The following SYT16 variants were observed in gnomAD, a reference collection of about 807,000 sequenced individuals.
The protein encoded by SYT16 is synaptotagmin 16.
A neutral mutation model predicts 61.4 loss-of-function variants in SYT16; 42 were observed. The ratio of observed to expected loss-of-function variants is 0.68; its 90% CI spans 0.53 to 0.89. SYT16 has a LOEUF of 0.89. Among genes scored for constraint, SYT16 ranks in the 40% least tolerant of loss-of-function variants. The pLI is 0.00. For synonymous variants in SYT16, 314 were observed against 302.3 expected (o/e 1.04, Z -0.40); for missense variants, 804 against 807.3 (o/e 1.00, Z 0.05).
chr14:62,002,950 G>A (rs1056191017), intron 3 of SYT16, among the ~76,000 whole-genome samples: 2 of 152,042 alleles, frequency 1.3e-5, no homozygotes, highest in African/African-American at 4.8e-5. Context: ...AGTAAAGGGG[G>A]AAGTCCCTTG....
Position 62,069,764 on chromosome 14 carries a change from C to T in SYT16, c.685C>T (p.Arg229Cys), listed in dbSNP as rs749800932. Reference sequence around the variant, plus strand: ...ATTGGAGCAGAAACCAAAATTCAGCCGTTCGTTGTTGACACACGGAGAAGA... The same window carrying T: ...ATTGGAGCAGAAACCAAAATTCAGCTGTTCGTTGTTGACACACGGAGAAGA... ...TGLEQKPKFSRSLLTHGEDGT... is the reference protein window; with the variant it reads ...TGLEQKPKFSCSLLTHGEDGT... The change falls in exon 4 of 8, where the codon CGT (arginine) becomes TGT (cysteine). Residue 229 changes from arginine to cysteine, a missense_variant. Physicochemically the swap from Arg to Cys is radical, Grantham distance 180. Transcript: ENST00000683842. The T allele has an allele frequency of 1.7e-5, 28 of 1,613,884 alleles. No individual in the cohort carries two copies. In the South Asian group the frequency reaches 2.0e-4, roughly 11 times the overall value.
At chr14:62,042,524 C>T (rs1406763952) in intron 3 of SYT16, among the ~76,000 whole-genome samples, 4 of 152,134 alleles carry the variant, frequency 2.6e-5, no homozygotes, top group Non-Finnish European at 2.9e-5. Flanking sequence ...GAAGAGTTTA[C>T]CCTGTGCACT....
At chr14:61,888,856 G>A (rs2048017961) in intron 1 of SYT16, among the ~76,000 whole-genome samples, 1 of 151,134 alleles carries the variant, frequency 6.6e-6, no homozygotes, top group African/African-American at 2.4e-5. Flanking sequence ...TTCTAAAAAG[G>A]TACAATGATG....
rs61593538 is a variant in SYT16 at position 61,957,534 on chromosome 14, A to T, written c.-324-12598A>T. Among the ~76,000 whole-genome samples, 893 of 152,052 alleles carry T rather than the reference A, an allele frequency of 5.9e-3. 13 individuals are homozygous for T. Among genetic ancestry groups the T allele is most frequent in the African/African-American group, 0.021 (860 of 41,544 alleles). On this transcript the variant is annotated intron_variant, in intron 1 of 7. Coordinates refer to ENST00000683842, the MANE Select transcript of SYT16 (RefSeq NM_001367656.1). Reference sequence around the variant, plus strand: ...ACGAGACAATGTTGAATTTTGTCAGATGCTTTTTCTGCATCTATTGAGATG... The same window carrying T: ...ACGAGACAATGTTGAATTTTGTCAGTTGCTTTTTCTGCATCTATTGAGATG...
At chr14:61,974,792 GA>G (rs1264716325) in intron 2 of SYT16, among the ~76,000 whole-genome samples, 1 of 152,226 alleles carries the variant, frequency 6.6e-6, no homozygotes, top group Non-Finnish European at 1.5e-5. Flanking sequence ...AGTAAGTAAG[GA>G]AACAGGTTTT....
chr14:61,865,074 G>C, intron 1 of SYT16: 1 of 1,379,970 alleles, frequency 7.2e-7, no homozygotes. Context: ...TGTGCAGCTT[G>C]CGGGAAATGG....
chr14:61,899,143 G>T (rs2048425280), intron 1 of SYT16, among the ~76,000 whole-genome samples: 1 of 152,122 alleles, frequency 6.6e-6, no homozygotes, highest in South Asian at 2.1e-4. Context: ...TGTGAGGCAG[G>T]TATTACTAAT....
intron 1 of SYT16, among the ~76,000 whole-genome samples, chr14:61,945,639 A>G (rs1260715324): frequency 1.3e-5 from 2 of 151,952 alleles, no homozygotes; most frequent in African/African-American, 2.4e-5. Context: ...GCGGATCACG[A>G]GGTCAGGAGA....
intron 1 of SYT16, among the ~76,000 whole-genome samples, chr14:61,893,219 A>C (rs2048203318): frequency 6.6e-6 from 1 of 152,224 alleles, no homozygotes; most frequent in African/African-American, 2.4e-5. Flanking sequence ...CAGCATTGTT[A>C]TGGCCATAGC....
In SYT16 at chr14:61,995,937, C is replaced by T. The variant is rs1364125497; in HGVS notation, c.-83C>T. On this transcript the variant is annotated 5_prime_UTR_variant, in exon 3 of 8. Transcript: ENST00000683842. ...AGAGACCTCCAAATTAATTTCTCAA[C>T]ATGCTTATTCTATAGTTCACATTCA... 1.5e-6 allele frequency: 2 copies of T among 1,369,660 alleles called. No individual in the cohort carries two copies. Among genetic ancestry groups the T allele is most frequent in the Non-Finnish European group, 2.0e-6 (2 of 1,015,890 alleles). The allele number at this position is 1,369,660 out of a possible 1,614,324, so 84.8% of individuals were successfully genotyped here. A position where few individuals can be genotyped will look rare whatever the true frequency, so the allele number is the denominator to read the frequency against.
chr14:62,029,051 G>A (rs900512267), intron 3 of SYT16, among the ~76,000 whole-genome samples: 3 of 152,212 alleles, frequency 2.0e-5, no homozygotes, highest in African/African-American at 7.2e-5. Flanking sequence ...AGAGTAGCAA[G>A]CTTTGCATAA....
intron 3 of SYT16, among the ~76,000 whole-genome samples, chr14:62,032,092 G>A (rs535409389): frequency 1.3e-5 from 2 of 152,028 alleles, no homozygotes; most frequent in Non-Finnish European, 2.9e-5. Context: ...CTTGGATGAC[G>A]AAAACGGGAA....
chr14:62,079,635 T>A (rs1236463685), intron 5 of SYT16, among the ~76,000 whole-genome samples: 1 of 152,188 alleles, frequency 6.6e-6, no homozygotes, highest in Non-Finnish European at 1.5e-5. Context: ...TGAAACGAGA[T>A]CTCTAAATTA....
intron 2 of SYT16, among the ~76,000 whole-genome samples, chr14:61,992,332 G>A (rs2052585406): frequency 6.6e-6 from 1 of 152,090 alleles, no homozygotes; most frequent in African/African-American, 2.4e-5. Flanking sequence ...TGGCACATAG[G>A]ACTTTACAGC....
intron 1 of SYT16, among the ~76,000 whole-genome samples, chr14:61,906,711 T>TTCCATCCATCCA (rs761316889): frequency 2.5e-4 from 14 of 55,676 alleles, no homozygotes; most frequent in Admixed American, 4.4e-4. Context: ...CCATCCATCC[T>TTCCATCCATCCA]TCCATCCATC....
intron 4 of SYT16, among the ~76,000 whole-genome samples, chr14:62,071,342 G>A (rs540654519): frequency 3.3e-5 from 5 of 152,280 alleles, no homozygotes; most frequent in African/African-American, 1.2e-4. Flanking sequence ...TCTGGCTTCT[G>A]ATTTACACAA....
In SYT16 at chr14:61,873,190, T is replaced by C. The variant is rs141226040; in HGVS notation, c.-325+60380T>C. On this transcript the variant is annotated intron_variant, in intron 1 of 7. Transcript: ENST00000683842. Reference sequence around the variant, plus strand: ...TGAAATTTAAGTATATGATCTCAAATAGTCCCTAATGTTTGCTATTGCAAG... The same window carrying C: ...TGAAATTTAAGTATATGATCTCAAACAGTCCCTAATGTTTGCTATTGCAAG... 8.5e-5 allele frequency among the ~76,000 whole-genome samples: 13 copies of C among 152,368 alleles called. No homozygotes were observed. The East Asian group carries it at 2.5e-3, about 29-fold the overall frequency.
At chr14:61,864,922 C>A in intron 1 of SYT16, 1 of 1,284,378 alleles carries the variant, frequency 7.8e-7, no homozygotes, top group Non-Finnish European at 1.1e-6. Context: ...GTGTCTTAAC[C>A]GGGGTCCTGG....
chr14:62,070,385 C>G (rs1413471498), intron 4 of SYT16, among the ~76,000 whole-genome samples: 1 of 152,156 alleles, frequency 6.6e-6, no homozygotes, highest in African/African-American at 2.4e-5. Context: ...CTCTCAGTCC[C>G]TGTAGTTTCT....
Sources: gnomAD v4.1 joint callset for allele counts (sites outside exome capture counted in the v4.1 genomes callset) on GRCh38, gnomAD v4.1.1 for gene constraint, MANE v1.5 for transcripts, NCBI Gene and HGNC (gene_info 2026-07-23, HGNC 2026-07-21) for gene names.